The following NRXN3 variants were observed in gnomAD, a reference collection of about 807,000 sequenced individuals.
NRXN3 encodes neurexin III.
A neutral mutation model predicts 137.6 loss-of-function variants in NRXN3; 32 were observed. The ratio of observed to expected loss-of-function variants is 0.23; its 90% CI spans 0.18 to 0.31. The LOEUF is 0.31. Ranked by LOEUF, NRXN3 falls within the 10% of genes least tolerant of loss-of-function variation. The probability of loss-of-function intolerance (pLI) is 1.00; values close to 1 mark genes in which losing one functional copy is unlikely to be tolerated. For synonymous variants in NRXN3, 798 were observed against 784.5 expected (o/e 1.02, Z -0.29); for missense variants, 1,574 against 2,062.5 (o/e 0.76, Z 4.59).
At chr14:79,609,564 A>C (rs1201071921) in intron 16 of NRXN3, among the ~76,000 whole-genome samples, 3 of 152,228 alleles carry the variant, frequency 2.0e-5, no homozygotes, top group African/African-American at 7.2e-5. Context: ...ATTAGGGATT[A>C]TCATTATATC....
At chr14:79,563,532 T>C (rs1230451799) in intron 16 of NRXN3, among the ~76,000 whole-genome samples, 1 of 152,068 alleles carries the variant, frequency 6.6e-6, no homozygotes, top group East Asian at 1.9e-4. Flanking sequence ...GACCATAAAA[T>C]TGACAGGGAT....
chr14:78,255,899 G>T (rs537490470), intron 2 of NRXN3, among the ~76,000 whole-genome samples: 5 of 152,208 alleles, frequency 3.3e-5, no homozygotes, highest in Non-Finnish European at 7.4e-5. Flanking sequence ...AAGTATATCT[G>T]TTGAATAAAT....
At chr14:79,634,397 A>G (rs1292058312) in intron 16 of NRXN3, among the ~76,000 whole-genome samples, 1 of 152,242 alleles carries the variant, frequency 6.6e-6, no homozygotes, top group Non-Finnish European at 1.5e-5. Context: ...AAAAAGCCTC[A>G]TATTGACATC....
At chr14:79,793,393 C>A (rs980210577) in intron 19 of NRXN3, among the ~76,000 whole-genome samples, 2 of 152,026 alleles carry the variant, frequency 1.3e-5, no homozygotes, top group Admixed American at 1.3e-4. Flanking sequence ...CCAGCCTGGG[C>A]GACAGAGCGA....
At chr14:79,678,222 G>A (rs567040109) in intron 17 of NRXN3, among the ~76,000 whole-genome samples, 44 of 152,110 alleles carry the variant, frequency 2.9e-4, no homozygotes, top group African/African-American at 9.9e-4. Flanking sequence ...AGCAGTTACT[G>A]TATACTTTCA....
chr14:78,786,572 A>G (rs1020388655), intron 8 of NRXN3, among the ~76,000 whole-genome samples: 2 of 152,066 alleles, frequency 1.3e-5, no homozygotes, highest in South Asian at 2.1e-4. Flanking sequence ...CATGTCCTGT[A>G]TGAGTTGTAT....
chr14:79,295,206 C>G (rs1281662027), intron 15 of NRXN3, among the ~76,000 whole-genome samples: 1 of 151,958 alleles, frequency 6.6e-6, no homozygotes, highest in Non-Finnish European at 1.5e-5. Context: ...ATCAATCTTG[C>G]TACTACCATA....
intron 15 of NRXN3, among the ~76,000 whole-genome samples, chr14:79,215,563 G>A (rs1402656173): frequency 6.6e-6 from 1 of 152,136 alleles, no homozygotes; most frequent in Non-Finnish European, 1.5e-5. Flanking sequence ...CAGCAGACAA[G>A]AGAATGAGAG....
chr14:79,508,228 C>T (rs1442292228), intron 16 of NRXN3, among the ~76,000 whole-genome samples: 1 of 151,942 alleles, frequency 6.6e-6, no homozygotes, highest in Non-Finnish European at 1.5e-5. Context: ...ATATTTAACA[C>T]TAAACTTGGT....
intron 10 of NRXN3, among the ~76,000 whole-genome samples, chr14:78,943,615 AAAAAAAATATATATATATATATAT>A (rs1439624323): frequency 5.4e-4 from 23 of 42,486 alleles, no homozygotes; most frequent in East Asian, 1.0e-3. Flanking sequence ...ACTGTTAAAA[AAAAAAAATATATATATATATATAT>A]ATATATATAT....
chr14:78,794,864 C>T (rs1411423011), intron 8 of NRXN3, among the ~76,000 whole-genome samples: 1 of 151,682 alleles, frequency 6.6e-6, no homozygotes, highest in East Asian at 1.9e-4. Context: ...CACTTGAGTC[C>T]AGGTGTTAGA....
At chr14:78,548,099 A>G (rs2096653070) in intron 4 of NRXN3, among the ~76,000 whole-genome samples, 1 of 152,228 alleles carries the variant, frequency 6.6e-6, no homozygotes, top group Non-Finnish European at 1.5e-5. Flanking sequence ...CATTTGCTAT[A>G]GCCTCCAAGG....
intron 4 of NRXN3, among the ~76,000 whole-genome samples, chr14:78,319,614 G>A (rs1214450598): frequency 6.6e-6 from 1 of 152,174 alleles, no homozygotes; most frequent in Non-Finnish European, 1.5e-5. Flanking sequence ...ACACACTGGT[G>A]GTTGCTATGG....
chr14:78,614,751 G>A (rs1490354969), intron 4 of NRXN3, among the ~76,000 whole-genome samples: 2 of 152,182 alleles, frequency 1.3e-5, no homozygotes, highest in East Asian at 3.8e-4. Flanking sequence ...AAGAATATAA[G>A]GCTATGCTGG....
intron 15 of NRXN3, among the ~76,000 whole-genome samples, chr14:79,098,651 A>G (rs1051657115): frequency 7.9e-5 from 12 of 152,198 alleles, no homozygotes; most frequent in South Asian, 6.2e-4. Flanking sequence ...AAACAAAACT[A>G]TAGAGTTTTA....
At chr14:79,776,884 G>A (rs1326522576) in intron 19 of NRXN3, among the ~76,000 whole-genome samples, 1 of 152,204 alleles carries the variant, frequency 6.6e-6, no homozygotes, top group Non-Finnish European at 1.5e-5. Flanking sequence ...TGCAAAAATT[G>A]ATTTGGTTGT....
chr14:78,375,882 C>T (rs553630212), intron 4 of NRXN3, among the ~76,000 whole-genome samples: 19 of 152,006 alleles, frequency 1.2e-4, no homozygotes, highest in Middle Eastern at 3.4e-3. Context: ...AATTAAGGTC[C>T]CCAGCTTTTC....
At chr14:78,376,254 G>T (rs2087820932) in intron 4 of NRXN3, among the ~76,000 whole-genome samples, 1 of 152,170 alleles carries the variant, frequency 6.6e-6, no homozygotes, top group South Asian at 2.1e-4. Flanking sequence ...AAGCAATGAA[G>T]GATCATGGTT....
chr14:78,822,632 GC>G (rs1208005141), intron 10 of NRXN3, among the ~76,000 whole-genome samples: 6 of 151,018 alleles, frequency 4.0e-5, no homozygotes, highest in African/African-American at 1.5e-4. Context: ...CCGAGATCGT[GC>G]CACTGGACTC....
Sources: gnomAD v4.1 joint callset for allele counts (sites outside exome capture counted in the v4.1 genomes callset) on GRCh38, gnomAD v4.1.1 for gene constraint, MANE v1.5 for transcripts, NCBI Gene and HGNC (gene_info 2026-07-23, HGNC 2026-07-21) for gene names.